The following ANO2 variants were observed in gnomAD, a reference collection of about 807,000 sequenced individuals.
ANO2 encodes anoctamin-2.
In ANO2, 101 loss-of-function variants were observed where a neutral mutation model predicts 124.2. The observed-to-expected ratio is 0.81, with a 90% CI of 0.69 to 0.96. The LOEUF is 0.96. ANO2 is among the 40% of genes least tolerant of loss of function. The pLI is 0.00. For missense variants in ANO2, 1,293 were observed against 1,274.5 expected, an observed-to-expected ratio of 1.01 and a Z score of -0.22; for synonymous variants, 486 against 482.5, an observed-to-expected ratio of 1.01 and a Z score of -0.09.
rs760298455 is a variant in ANO2 at position 5,921,350 on chromosome 12, A to G, written c.224T>C (p.Leu75Pro). The change falls in exon 3 of 25, where the codon CTG becomes CCG. Residue 75 changes from leucine (L) to proline (P), a missense_variant. Leu to Pro is a moderately conservative substitution (Grantham distance 98). Transcript: ENST00000682330. ...CAAGGACACAGGCTCATTGGCATCC[A>G]GATAGTTGTTGATGACCTGGCCAGA... Reference protein sequence around the residue: ...TRSSSVINNYLDANEPVSLEA... With the variant: ...TRSSSVINNYPDANEPVSLEA... 2 of 1,613,730 alleles carry G rather than the reference A, an allele frequency of 1.2e-6. No individual in the cohort carries two copies. Among genetic ancestry groups the G allele is most frequent in the Admixed American group, 3.3e-5 (2 of 60,028 alleles).
chr12:5,675,661 G>C (rs560171413), intron 14 of ANO2, among the ~76,000 whole-genome samples: 11 of 152,178 alleles, frequency 7.2e-5, no homozygotes, highest in Non-Finnish European at 1.5e-4. Context: ...CTGCCCTAAG[G>C]TTGGGATACA....
At position 5,563,578 on chromosome 12, in the gene ANO2, G is replaced by A. The variant is rs1165642794; in HGVS notation, c.2728-10C>T. On this transcript the variant is annotated splice_polypyrimidine_tract_variant and intron_variant, in intron 24 of 24. Coordinates refer to ENST00000682330, the MANE Select transcript of ANO2 (RefSeq NM_001364791.2). Reference sequence around the variant, plus strand: ...GGAACATCACGAGGTTCTGCAAAAAGCCAAGGAGAGAGGGGCTGAGTTGGA... The same window carrying A: ...GGAACATCACGAGGTTCTGCAAAAAACCAAGGAGAGAGGGGCTGAGTTGGA... 1 of 1,613,124 alleles carries A rather than the reference G, an allele frequency of 6.2e-7. No homozygotes were observed. The highest frequency in any genetic ancestry group is 1.1e-5 in the South Asian group (1 of 91,074).
intron 7 of ANO2, among the ~76,000 whole-genome samples, chr12:5,813,573 C>T (rs370852604): frequency 6.6e-5 from 10 of 152,300 alleles, no homozygotes; most frequent in Non-Finnish European, 1.3e-4. Context: ...CAAAGAATTG[C>T]TATAGGAGTA....
At chr12:5,840,774 T>G (rs1954489281) in intron 4 of ANO2, among the ~76,000 whole-genome samples, 1 of 152,054 alleles carries the variant, frequency 6.6e-6, no homozygotes, top group South Asian at 2.1e-4. Context: ...TGACAGAAAT[T>G]AACACCCATC....
chr12:5,623,492 G>A (rs1461905558), intron 16 of ANO2, among the ~76,000 whole-genome samples: 1 of 152,138 alleles, frequency 6.6e-6, no homozygotes, highest in Non-Finnish European at 1.5e-5. Flanking sequence ...ATCCTCTGCT[G>A]CATCGTGTCA....
At chr12:5,654,854 C>A (rs1457886454) in intron 14 of ANO2, among the ~76,000 whole-genome samples, 1 of 152,190 alleles carries the variant, frequency 6.6e-6, no homozygotes, top group Non-Finnish European at 1.5e-5. Context: ...GTTCTTCCAA[C>A]AGAGCCACAT....
rs969435245 is a variant in ANO2, at chr12:5,934,676, T to C, written c.22+10520A>G. 7.9e-5 allele frequency among the ~76,000 whole-genome samples: 12 copies of C among 152,284 alleles called. No individual in the cohort carries two copies. In the South Asian group the frequency reaches 1.9e-3, roughly 24 times the overall value. ...GAAGTAGCCAGTGTACAACATAAAATTGGTCAAAACTGGTCTGTTGGCTCA... is the reference window on the plus strand; with the variant it reads ...GAAGTAGCCAGTGTACAACATAAAACTGGTCAAAACTGGTCTGTTGGCTCA... On this transcript the variant is annotated intron_variant, in intron 1 of 24. Coordinates refer to ENST00000682330, the MANE Select transcript of ANO2 (RefSeq NM_001364791.2).
rs1447571690 is a variant in ANO2, at chr12:5,900,859, G to C, written c.534+20181C>G. On this transcript the variant is annotated intron_variant, in intron 3 of 24. Coordinates refer to ENST00000682330, the MANE Select transcript of ANO2 (RefSeq NM_001364791.2). The surrounding 1 kb of genome is among the most constrained non-coding windows in gnomAD (Gnocchi z 4.2). ...GGCAGGAAGGCGTCTCCTTGTTCTC[G>C]GCTCAGGAGACTCAGAGAAAGCCCA... Among the ~76,000 whole-genome samples, 1 of 152,166 alleles carries C rather than the reference G, an allele frequency of 6.6e-6. No individual in the cohort carries two copies. The highest frequency in any genetic ancestry group is 2.1e-4 in the South Asian group (1 of 4,830).
At chr12:5,899,799 C>T (rs764800245) in intron 3 of ANO2, among the ~76,000 whole-genome samples, 3 of 152,192 alleles carry the variant, frequency 2.0e-5, no homozygotes, top group Non-Finnish European at 4.4e-5. Context: ...TTCCTTTGCA[C>T]AGTGGTTGTT....
At chr12:5,896,149 G>C (rs1272139107) in intron 3 of ANO2, among the ~76,000 whole-genome samples, 1 of 152,048 alleles carries the variant, frequency 6.6e-6, no homozygotes, top group African/African-American at 2.4e-5. Flanking sequence ...AGGTATAAAA[G>C]ACTACATATT....
chr12:5,814,384 T>C (rs1172278937), intron 7 of ANO2, among the ~76,000 whole-genome samples: 1 of 152,262 alleles, frequency 6.6e-6, no homozygotes, highest in African/African-American at 2.4e-5. Context: ...ATGTCTTCTG[T>C]GTTATTTGCT....
intron 14 of ANO2, among the ~76,000 whole-genome samples, chr12:5,656,344 A>T (rs1273239489): frequency 5.9e-5 from 9 of 152,334 alleles, no homozygotes; most frequent in Non-Finnish European, 2.9e-5. Flanking sequence ...AGAATGGATC[A>T]TCTTGTTCCT....
At chr12:5,851,243 G>A (rs1954887435) in intron 4 of ANO2, among the ~76,000 whole-genome samples, 1 of 152,194 alleles carries the variant, frequency 6.6e-6, no homozygotes, top group African/African-American at 2.4e-5. Flanking sequence ...CTGAAACTCT[G>A]AAAGCCAATA....
chr12:5,941,043 A>C (rs1158730552), intron 1 of ANO2, among the ~76,000 whole-genome samples: 2 of 152,246 alleles, frequency 1.3e-5, no homozygotes, highest in African/African-American at 4.8e-5. Flanking sequence ...TAAAATGTGT[A>C]GAATAGGCAT....
In ANO2 at chr12:5,888,150, G is replaced by A. The variant is rs573885675; in HGVS notation, c.534+32890C>T. On this transcript the variant is annotated intron_variant, in intron 3 of 24. Transcript: ENST00000682330. ...GGAGTTTCTTCCTCCTGGTGGGTTTGTGGTCTCGCTGGATCAGGAGTGAAG... is the reference window on the plus strand; with the variant it reads ...GGAGTTTCTTCCTCCTGGTGGGTTTATGGTCTCGCTGGATCAGGAGTGAAG... 5.4e-3 allele frequency among the ~76,000 whole-genome samples: 827 copies of A among 152,240 alleles called. 8 individuals carry two copies. Among genetic ancestry groups the A allele is most frequent in the Middle Eastern group, 0.017 (5 of 294 alleles).
chr12:5,750,578 A>T (rs1951402556), intron 11 of ANO2, among the ~76,000 whole-genome samples: 1 of 152,218 alleles, frequency 6.6e-6, no homozygotes, highest in African/African-American at 2.4e-5. Flanking sequence ...GCCTGCCCAC[A>T]TCAGACACAT....
At chr12:5,893,668 G>A (rs1939568978) in intron 3 of ANO2, among the ~76,000 whole-genome samples, 1 of 151,202 alleles carries the variant, frequency 6.6e-6, no homozygotes, top group South Asian at 2.1e-4. Context: ...AGGCCCCAGT[G>A]TGTGATGTTC....
At chr12:5,845,750 C>A (rs1954666627) in intron 4 of ANO2, among the ~76,000 whole-genome samples, 1 of 152,150 alleles carries the variant, frequency 6.6e-6, no homozygotes, top group Non-Finnish European at 1.5e-5. Context: ...GAGTCCCTGA[C>A]TATCTCCTTC....
At chr12:5,795,778 C>G (rs1460002039) in intron 10 of ANO2, among the ~76,000 whole-genome samples, 2 of 152,130 alleles carry the variant, frequency 1.3e-5, no homozygotes, top group Non-Finnish European at 2.9e-5. Flanking sequence ...ACGGCCCTGA[C>G]TAGTATTGGG....
Sources: allele counts gnomAD v4.1 joint callset (sites outside exome capture counted in the v4.1 genomes callset), GRCh38; gene constraint gnomAD v4.1.1; non-coding constraint Gnocchi (gnomAD v3.1); transcripts MANE v1.5; gene names NCBI Gene and HGNC (gene_info 2026-07-23, HGNC 2026-07-21).